TBC1D5: variants seen among roughly 807,000 people sequenced by gnomAD.
The protein encoded by TBC1D5 is TBC1 domain family member 5, also known as TBC1 domain family, member 5.
In TBC1D5, 75 loss-of-function variants were observed where a neutral mutation model predicts 100.3. The observed-to-expected ratio is 0.75, with a 90% CI of 0.62 to 0.91. The LOEUF (loss-of-function observed/expected upper bound fraction) is 0.91. Among genes scored for constraint, TBC1D5 ranks in the 40% least tolerant of loss-of-function variants. The probability of loss-of-function intolerance (pLI) is 0.00; values close to 1 mark genes in which losing one functional copy is unlikely to be tolerated. For missense variants in TBC1D5, 910 were observed against 942.4 expected, an observed-to-expected ratio of 0.97 and a Z score of 0.45; for synonymous variants, 323 against 325.6, an observed-to-expected ratio of 0.99 and a Z score of 0.09.
At chr3:17,455,165 T>TACAC (rs549322724) in intron 3 of TBC1D5, among the ~76,000 whole-genome samples, 237 of 140,826 alleles carry the variant, frequency 1.7e-3, no homozygotes, top group Middle Eastern at 3.6e-3. Flanking sequence ...AAAAAAAGTA[T>TACAC]ACACACACAC....
chr3:17,526,193 A>G (rs2096132344), intron 2 of TBC1D5, among the ~76,000 whole-genome samples: 1 of 152,158 alleles, frequency 6.6e-6, no homozygotes, highest in Admixed American at 6.6e-5. Context: ...TATAAAAGAA[A>G]ACTTCCAGAA....
At chr3:17,677,742 A>T (rs1367829234) in intron 1 of TBC1D5, among the ~76,000 whole-genome samples, 9 of 150,102 alleles carry the variant, frequency 6.0e-5, no homozygotes, top group Non-Finnish European at 4.4e-5. Context: ...ACTTGGAACC[A>T]ACCCAAATGT....
chr3:17,493,176 T>C (rs2150588389), intron 3 of TBC1D5, among the ~76,000 whole-genome samples: 1 of 152,318 alleles, frequency 6.6e-6, no homozygotes, highest in Non-Finnish European at 1.5e-5. Context: ...GGATTTAATT[T>C]CTCCTTTGCT....
At chr3:17,275,936 T>C (rs765415442) in intron 15 of TBC1D5, among the ~76,000 whole-genome samples, 9 of 152,228 alleles carry the variant, frequency 5.9e-5, no homozygotes, top group Non-Finnish European at 1.2e-4. Flanking sequence ...TGATTCTGAT[T>C]GGGTTTTCCA....
intron 3 of TBC1D5, among the ~76,000 whole-genome samples, chr3:17,463,210 G>A (rs2095245589): frequency 2.0e-5 from 3 of 152,026 alleles, no homozygotes; most frequent in Admixed American, 2.0e-4. Flanking sequence ...AAATATTCTG[G>A]GTTATATCAC....
chr3:17,455,358 ATG>A (rs1406527746), intron 3 of TBC1D5, among the ~76,000 whole-genome samples: 15 of 145,562 alleles, frequency 1.0e-4, no homozygotes, highest in Admixed American at 1.4e-4. Flanking sequence ...GTATATGTAT[ATG>A]TGTGTATATA....
intron 15 of TBC1D5, among the ~76,000 whole-genome samples, chr3:17,277,092 T>C (rs182615195): frequency 9.8e-4 from 150 of 152,358 alleles, no homozygotes; most frequent in Non-Finnish European, 1.7e-3. Context: ...TCATTTGTTA[T>C]AGCAGTTGGT....
upstream of TBC1D5, among the ~76,000 whole-genome samples, chr3:17,742,291 C>T (rs1030542628): frequency 1.3e-5 from 2 of 152,174 alleles, no homozygotes; most frequent in African/African-American, 4.8e-5. Context: ...CGGCGGCACC[C>T]TCAGGCCCTC....
intron 14 of TBC1D5, among the ~76,000 whole-genome samples, chr3:17,297,530 C>T (rs1388805864): frequency 6.6e-6 from 1 of 150,562 alleles, no homozygotes; most frequent in African/African-American, 2.5e-5. Context: ...GAGCCCAGAT[C>T]ACACCACCGC....
intron 14 of TBC1D5, among the ~76,000 whole-genome samples, chr3:17,295,340 A>G (rs1205817365): frequency 6.6e-6 from 1 of 152,186 alleles, no homozygotes; most frequent in African/African-American, 2.4e-5. Flanking sequence ...TGCTTACTCT[A>G]TCTACAGGGT....
intron 2 of TBC1D5, among the ~76,000 whole-genome samples, chr3:17,512,483 A>G (rs1427613418): frequency 1.3e-5 from 2 of 152,158 alleles, no homozygotes; most frequent in East Asian, 3.8e-4. Flanking sequence ...AAGAATATAA[A>G]GGCCAAAAAC....
chr3:17,301,542 A>C (rs2082834562), intron 14 of TBC1D5, among the ~76,000 whole-genome samples: 1 of 152,174 alleles, frequency 6.6e-6, no homozygotes, highest in African/African-American at 2.4e-5. Flanking sequence ...GCTTTTAGAG[A>C]TATGAAAGAA....
intron 13 of TBC1D5, among the ~76,000 whole-genome samples, chr3:17,341,771 T>A (rs1382794051): frequency 1.3e-5 from 2 of 152,190 alleles, no homozygotes; most frequent in African/African-American, 2.4e-5. Context: ...AAACAAATAT[T>A]CAAGCTAAAA....
chr3:17,545,459 G>A (rs573358147), intron 2 of TBC1D5, among the ~76,000 whole-genome samples: 49 of 152,246 alleles, frequency 3.2e-4, no homozygotes, highest in African/African-American at 1.1e-3. Flanking sequence ...ACCGTGTTAC[G>A]ACAGTCCTAG....
intron 13 of TBC1D5, among the ~76,000 whole-genome samples, chr3:17,347,906 C>T (rs773401863): frequency 3.9e-5 from 6 of 152,040 alleles, no homozygotes; most frequent in African/African-American, 7.2e-5. Context: ...GGGAAGCTGA[C>T]GTGGGAGGAT....
At chr3:17,168,502 T>C (rs1216565288) in intron 19 of TBC1D5, among the ~76,000 whole-genome samples, 1 of 152,166 alleles carries the variant, frequency 6.6e-6, no homozygotes, top group African/African-American at 2.4e-5. Flanking sequence ...CCTGTTGGTA[T>C]GTTAAACACT....
At chr3:17,388,636 C>G (rs1295850138) in intron 8 of TBC1D5, among the ~76,000 whole-genome samples, 1 of 151,016 alleles carries the variant, frequency 6.6e-6, no homozygotes, top group African/African-American at 2.4e-5. Context: ...ATCCCTTGAG[C>G]CCAGGGGTTT....
chr3:17,185,928 C>T (rs1211375725), intron 18 of TBC1D5, among the ~76,000 whole-genome samples: 1 of 149,178 alleles, frequency 6.7e-6, no homozygotes, highest in South Asian at 2.1e-4. Context: ...TAAAAACAAT[C>T]GAACTGTAAC....
chr3:17,691,653 C>T (rs1338757788), intron 1 of TBC1D5, among the ~76,000 whole-genome samples: 1 of 152,010 alleles, frequency 6.6e-6, no homozygotes, highest in African/African-American at 2.4e-5. Context: ...CTCGCCTCTA[C>T]TAAAAATACA....
Sources: gnomAD v4.1 joint callset for allele counts (sites outside exome capture counted in the v4.1 genomes callset) on GRCh38, gnomAD v4.1.1 for gene constraint, MANE v1.5 for transcripts, NCBI Gene and HGNC (gene_info 2026-07-23, HGNC 2026-07-21) for gene names.